Variants in DPYS observed in about 807,000 individuals in gnomAD.
The protein encoded by DPYS is dihydropyrimidinase, also known as dihydropyrimidine amidohydrolase.
A neutral mutation model predicts 50.3 loss-of-function variants in DPYS; 39 were observed. That is an observed-to-expected ratio of 0.78 (90% CI 0.60 to 1.01). The LOEUF (loss-of-function observed/expected upper bound fraction) is 1.01. Among genes scored for constraint, DPYS ranks in the 50% least tolerant of loss-of-function variants. The pLI is 0.00. For synonymous variants in DPYS, 245 were observed against 250.7 expected, an observed-to-expected ratio of 0.98 and a Z score of 0.22; for missense variants, 659 against 680.9, an observed-to-expected ratio of 0.97 and a Z score of 0.36.
rs145571202 is a variant in DPYS at position 104,381,265 on chromosome 8, G to A, written c.1493C>T (p.Ala498Val). ...TTTTGTCACTCTGGATTTCAGTGTG[G>A]CGACTTCTCCCTTATAGGGTGCACG... Reference protein sequence around the residue: ...VERAPYKGEVATLKSRVTKED... With the variant: ...VERAPYKGEVVTLKSRVTKED... The change falls in exon 9 of 10, where the codon GCC becomes GTC. Residue 498 changes from alanine to valine, a missense_variant. By Grantham distance (64) the Ala-to-Val change is moderately conservative. Coordinates refer to ENST00000351513, the MANE Select transcript of DPYS (RefSeq NM_001385.3). 9 of 1,614,154 alleles carry A rather than the reference G, an allele frequency of 5.6e-6. No homozygotes were observed. In the African/African-American group the frequency reaches 9.3e-5, roughly 17 times the overall value.
At chr8:104,416,174 T>C (rs1188103946) in intron 7 of DPYS, among the ~76,000 whole-genome samples, 1 of 152,222 alleles carries the variant, frequency 6.6e-6, no homozygotes, top group African/African-American at 2.4e-5. Flanking sequence ...CTTCACTCTA[T>C]GGTACTGCTC....
chr8:104,388,352 A>G (rs1811277775), intron 8 of DPYS, among the ~76,000 whole-genome samples: 1 of 152,206 alleles, frequency 6.6e-6, no homozygotes, highest in South Asian at 2.1e-4. Context: ...TTTTCCAGAA[A>G]AGGTTGGGGT....
chr8:104,450,751 C>T (rs759874758), intron 2 of DPYS, among the ~76,000 whole-genome samples: 5 of 152,184 alleles, frequency 3.3e-5, no homozygotes, highest in Admixed American at 6.5e-5. Flanking sequence ...ACAGTCCAGG[C>T]CTGTCCCTTC....
chr8:104,444,479 T>C (rs777767195), intron 3 of DPYS, 42 bp from the exon 4 acceptor site: 33 of 1,607,096 alleles, frequency 2.1e-5, no homozygotes, highest in Non-Finnish European at 2.6e-5. Flanking sequence ...AAGGAAGGTT[T>C]ACTAATGACA....
intron 4 of DPYS, among the ~76,000 whole-genome samples, chr8:104,434,870 A>C (rs999022116): frequency 6.6e-6 from 1 of 152,248 alleles, no homozygotes; most frequent in Non-Finnish European, 1.5e-5. Context: ...CGTAAACTTT[A>C]TTAAGACAAG....
intron 7 of DPYS, among the ~76,000 whole-genome samples, chr8:104,395,276 G>A (rs2669423): frequency 0.67 from 102,318 of 152,078 alleles, 35,993 homozygotes; most frequent in Middle Eastern, 0.82. Context: ...TGGGATTACG[G>A]GCATGAGTCA....
chr8:104,430,890 G>A (rs1018741883), intron 4 of DPYS, among the ~76,000 whole-genome samples: 4 of 152,026 alleles, frequency 2.6e-5, no homozygotes, highest in Non-Finnish European at 4.4e-5. Context: ...ATCTCCATTC[G>A]GATTCTTACT....
intron 7 of DPYS, among the ~76,000 whole-genome samples, chr8:104,412,838 G>T (rs1812232481): frequency 1.3e-5 from 2 of 152,206 alleles, no homozygotes; most frequent in African/African-American, 4.8e-5. Context: ...TAAAGAATGG[G>T]ATTATGCCTA....
intron 8 of DPYS, among the ~76,000 whole-genome samples, chr8:104,386,608 C>CTT (rs199736922): frequency 5.5e-5 from 8 of 144,446 alleles, no homozygotes; most frequent in South Asian, 2.2e-4. Flanking sequence ...GCTAGATTTT[C>CTT]TTTTTTTTTT....
chr8:104,418,990 G>A (rs1358482391), intron 7 of DPYS: 1 of 985,056 alleles, frequency 1.0e-6, no homozygotes, highest in Non-Finnish European at 1.2e-6. Flanking sequence ...ACACACAAAG[G>A]TGACTCTTTT....
rs181123411 is a variant in DPYS, at chr8:104,446,060, T to C, written c.603+1264A>G. Reference sequence around the variant, plus strand: ...ACTCCATCTCAAAAAATAATAATAATAACAACAAATAAAAAATAATTGCAC... The same window carrying C: ...ACTCCATCTCAAAAAATAATAATAACAACAACAAATAAAAAATAATTGCAC... On this transcript the variant is annotated intron_variant, in intron 3 of 9. Coordinates refer to ENST00000351513, the MANE Select transcript of DPYS (RefSeq NM_001385.3). Among the ~76,000 whole-genome samples, 449 of 151,984 alleles carry C rather than the reference T, an allele frequency of 3.0e-3. 1 individual carries two copies. The highest frequency in any genetic ancestry group is 4.1e-3 in the Non-Finnish European group (282 of 67,958).
Position 104,451,338 on chromosome 8 carries a change from T to C in DPYS, c.331A>G (p.Ile111Val). 1 of 1,614,180 alleles carries C rather than the reference T, an allele frequency of 6.2e-7. No homozygotes were observed. Among genetic ancestry groups the C allele is most frequent in the Non-Finnish European group, 8.5e-7 (1 of 1,180,016 alleles). Reference sequence around the variant, plus strand: ...CTTCGCCAGGTCTCGAAGGCCTCAATGAGGGAGCCACCTTTCTGAGGAATG... The same window carrying C: ...CTTCGCCAGGTCTCGAAGGCCTCAACGAGGGAGCCACCTTTCTGAGGAATG... ...FAIPQKGGSL[I>V]EAFETWRSWA... The change falls in exon 2 of 10, where the codon ATT becomes GTT. Residue 111 changes from isoleucine (I) to valine (V), a missense_variant. Ile to Val is a conservative substitution (Grantham distance 29). Coordinates refer to ENST00000351513, the MANE Select transcript of DPYS (RefSeq NM_001385.3).
chr8:104,442,463 A>C (rs1813389063), intron 4 of DPYS, among the ~76,000 whole-genome samples: 1 of 152,230 alleles, frequency 6.6e-6, no homozygotes, highest in South Asian at 2.1e-4. Flanking sequence ...TAACAAAGGA[A>C]ATAATTATAG....
intron 8 of DPYS, among the ~76,000 whole-genome samples, chr8:104,382,589 C>T (rs1206912111): frequency 1.3e-5 from 2 of 148,576 alleles, no homozygotes; most frequent in Non-Finnish European, 3.0e-5. Context: ...AGCCAGACTG[C>T]CTGAATATCA....
At chr8:104,449,222 T>C (rs780198832) in intron 2 of DPYS, among the ~76,000 whole-genome samples, 2 of 152,100 alleles carry the variant, frequency 1.3e-5, no homozygotes, top group Non-Finnish European at 2.9e-5. Flanking sequence ...ATTAGTTTTA[T>C]AGTCAGAAAA....
At position 104,392,361 on chromosome 8, in the gene DPYS, T is replaced by C. The variant is rs879345978; in HGVS notation, c.1443+423A>G. ...GATGCTCCTACCCATTTTATCTCTT[T>C]CTTTTCTTTACTGGTTTCAGACTTA... On this transcript the variant is annotated intron_variant, in intron 8 of 9. Coordinates refer to ENST00000351513, the MANE Select transcript of DPYS (RefSeq NM_001385.3). Among the ~76,000 whole-genome samples the C allele has an allele frequency of 1.2e-4, 18 of 152,188 alleles. 1 individual carries two copies. Among genetic ancestry groups the C allele is most frequent in the Admixed American group, 9.8e-4 (15 of 15,290 alleles).
chr8:104,399,306 A>AAAC (rs1564083762), intron 7 of DPYS, among the ~76,000 whole-genome samples: 4 of 38,672 alleles, frequency 1.0e-4, no homozygotes, highest in South Asian at 6.6e-4. Flanking sequence ...AAAAAAAAAA[A>AAAC]AAAACAACAA....
chr8:104,399,288 C>A (rs1472503677), intron 7 of DPYS, among the ~76,000 whole-genome samples: 1 of 40,384 alleles, frequency 2.5e-5, no homozygotes, highest in Admixed American at 3.3e-4. Context: ...GAGACTCCAT[C>A]TCAAAAAAAA....
At chr8:104,386,220 A>T (rs1294152323) in intron 8 of DPYS, among the ~76,000 whole-genome samples, 2 of 152,228 alleles carry the variant, frequency 1.3e-5, no homozygotes, top group African/African-American at 4.8e-5. Flanking sequence ...AAAAAGGAAG[A>T]CATAAGTTGA....
Sources: gnomAD v4.1 joint callset for allele counts (sites outside exome capture counted in the v4.1 genomes callset) on GRCh38, gnomAD v4.1.1 for gene constraint, MANE v1.5 for transcripts, NCBI Gene and HGNC (gene_info 2026-07-23, HGNC 2026-07-21) for gene names.